Variants in WDR41 observed in about 807,000 individuals in gnomAD.
WDR41 encodes WD repeat domain 41, also known as WD repeat-containing protein 41.
Under a neutral mutation model 69.3 loss-of-function variants are expected in WDR41, and 63 were observed. The observed-to-expected ratio is 0.91, with a 90% CI of 0.74 to 1.12. The LOEUF (loss-of-function observed/expected upper bound fraction) is 1.12, where lower values mean the gene tolerates loss of function less well. WDR41 is among the 50% of genes most tolerant of loss of function. The pLI is 0.00. For synonymous variants in WDR41, 185 were observed against 192.1 expected (o/e 0.96, Z 0.31); for missense variants, 543 against 534.5 (o/e 1.02, Z -0.16).
At chr5:77,574,642 C>T (rs1371696432) in intron 1 of WDR41, among the ~76,000 whole-genome samples, 1 of 152,120 alleles carries the variant, frequency 6.6e-6, no homozygotes, top group Non-Finnish European at 1.5e-5. Flanking sequence ...ATAGTATGGA[C>T]ACAGTAAAAG....
At chr5:77,595,029 G>A (rs964356266) in intron 1 of WDR41, among the ~76,000 whole-genome samples, 2 of 152,172 alleles carry the variant, frequency 1.3e-5, no homozygotes, top group South Asian at 2.1e-4. Context: ...TTACAGAGGA[G>A]AGAAAACATT....
intron 12 of WDR41, among the ~76,000 whole-genome samples, chr5:77,434,135 G>A (rs1260662785): frequency 6.6e-6 from 1 of 152,086 alleles, no homozygotes; most frequent in African/African-American, 2.4e-5. Context: ...TTTAAGGCCA[G>A]CCTGGCCAAA....
At chr5:77,585,883 T>C (rs540783172) in intron 1 of WDR41, among the ~76,000 whole-genome samples, 61 of 152,268 alleles carry the variant, frequency 4.0e-4, no homozygotes, top group African/African-American at 1.3e-3. Context: ...GTATACTGCT[T>C]GGGTGATGAG....
At chr5:77,474,194 CA>C (rs1162020802) in intron 2 of WDR41, among the ~76,000 whole-genome samples, 5 of 151,986 alleles carry the variant, frequency 3.3e-5, no homozygotes, top group African/African-American at 1.2e-4. Context: ...GACAAAAAAC[CA>C]AACACCGCAT....
At chr5:77,450,670 G>A (rs7719031) in intron 7 of WDR41, among the ~76,000 whole-genome samples, 6,952 of 152,220 alleles carry the variant, frequency 0.046, 497 homozygotes, top group African/African-American at 0.15. Flanking sequence ...CAGGCTTACC[G>A]TCAATGTACT....
intron 12 of WDR41, among the ~76,000 whole-genome samples, chr5:77,434,523 G>A (rs10474502): frequency 0.24 from 35,827 of 151,714 alleles, 4,847 homozygotes; most frequent in Non-Finnish European, 0.31. Flanking sequence ...TGGCCAACAT[G>A]GTGACACCCC....
intron 1 of WDR41, among the ~76,000 whole-genome samples, chr5:77,593,807 GTC>G (rs1418640679): frequency 6.6e-6 from 1 of 152,012 alleles, no homozygotes; most frequent in African/African-American, 2.4e-5. Flanking sequence ...TTCACCCATG[GTC>G]TCTCTTTTAT....
chr5:77,451,317 A>T lies in WDR41; in HGVS notation c.560T>A (p.Val187Asp). The T allele has an allele frequency of 6.2e-7, 1 of 1,613,790 alleles. No homozygotes were observed. Among genetic ancestry groups the T allele is most frequent in the South Asian group, 1.1e-5 (1 of 91,054 alleles). The change falls in exon 7 of 13, where the codon GTT becomes GAT. Residue 187 changes from valine (V) to aspartate (D), a missense_variant. Val to Asp is a radical substitution (Grantham distance 152, BLOSUM62 -3). Transcript: ENST00000296679. Reference sequence around the variant, plus strand: ...CAGTTCTTTGCCAACTGCTGCCACAACACAGTTCTTAGGTATTTCAACCAA... The same window carrying T: ...CAGTTCTTTGCCAACTGCTGCCACATCACAGTTCTTAGGTATTTCAACCAA... ...SALVEIPKNC[V>D]VAAVGKELII...
intron 1 of WDR41, among the ~76,000 whole-genome samples, chr5:77,563,385 C>G (rs1743560171): frequency 6.6e-6 from 1 of 152,092 alleles, no homozygotes; most frequent in Admixed American, 6.6e-5. Context: ...GCCAACCCCA[C>G]CAAAACAGCA....
chr5:77,604,892 C>A (rs1034026291), intron 1 of WDR41, among the ~76,000 whole-genome samples: 4 of 151,968 alleles, frequency 2.6e-5, no homozygotes, highest in Admixed American at 2.6e-4. Flanking sequence ...AACAGGGAAA[C>A]AGAATGTTAC....
chr5:77,610,890 T>C (rs1427571052), intron 1 of WDR41, among the ~76,000 whole-genome samples: 1 of 151,856 alleles, frequency 6.6e-6, no homozygotes, highest in African/African-American at 2.4e-5. Flanking sequence ...GACCCATCAG[T>C]GTGCTGTATT....
At chr5:77,536,996 A>C (rs924787920) in intron 1 of WDR41, among the ~76,000 whole-genome samples, 1 of 152,256 alleles carries the variant, frequency 6.6e-6, no homozygotes, top group African/African-American at 2.4e-5. Context: ...ACTGGTAAGA[A>C]AAATGGGAAT....
In WDR41 at chr5:77,466,329, A is replaced by G. The variant is rs1355074182; in HGVS notation, c.168-1520T>C. ...CAGATTAGTAAATAGTACCTTGAAT[A>G]TCAAAAATAGTTGCTGGAAATAAAT... On this transcript the variant is annotated intron_variant, in intron 2 of 12. Transcript: ENST00000296679. 3.3e-5 allele frequency among the ~76,000 whole-genome samples: 5 copies of G among 151,980 alleles called. No homozygotes were observed. In the East Asian group the frequency reaches 7.7e-4, roughly 23 times the overall value.
At chr5:77,596,467 GA>G (rs896100260) in intron 1 of WDR41, among the ~76,000 whole-genome samples, 3 of 151,400 alleles carry the variant, frequency 2.0e-5, no homozygotes, top group African/African-American at 7.3e-5. Context: ...CCAACTTGGG[GA>G]AAAAAAATTA....
At chr5:77,514,433 G>T (rs1166738605) in intron 1 of WDR41, among the ~76,000 whole-genome samples, 1 of 152,076 alleles carries the variant, frequency 6.6e-6, no homozygotes, top group African/African-American at 2.4e-5. Flanking sequence ...CTTGTTATTT[G>T]CTTTTACAGA....
intron 1 of WDR41, among the ~76,000 whole-genome samples, chr5:77,600,340 A>G (rs139958270): frequency 6.6e-6 from 1 of 152,362 alleles, no homozygotes; most frequent in East Asian, 1.9e-4. Flanking sequence ...GAAAGAAGCT[A>G]AACTCACAGA....
intron 1 of WDR41, among the ~76,000 whole-genome samples, chr5:77,614,041 A>G (rs933753469): frequency 1.5e-4 from 23 of 152,348 alleles, no homozygotes; most frequent in African/African-American, 5.1e-4. Context: ...AGACACATGA[A>G]AAAATGCTCA....
chr5:77,587,677 G>A (rs565542059), intron 1 of WDR41, among the ~76,000 whole-genome samples: 62 of 152,292 alleles, frequency 4.1e-4, no homozygotes, highest in African/African-American at 1.3e-3. Context: ...CAGTACCTCA[G>A]AATGTGATTG....
intron 2 of WDR41, among the ~76,000 whole-genome samples, chr5:77,470,270 TGAAG>T (rs1441756687): frequency 6.6e-6 from 1 of 152,118 alleles, no homozygotes; most frequent in Non-Finnish European, 1.5e-5. Flanking sequence ...AAAGAGCTCC[TGAAG>T]GAAGCACTAA....
Sources: gnomAD v4.1 joint callset for allele counts (sites outside exome capture counted in the v4.1 genomes callset) on GRCh38, gnomAD v4.1.1 for gene constraint, MANE v1.5 for transcripts, NCBI Gene and HGNC (gene_info 2026-07-23, HGNC 2026-07-21) for gene names.